The following E2F4 variants were observed in gnomAD, a reference collection of about 807,000 sequenced individuals.
E2F4 encodes the protein transcription factor E2F4.
E2F4 carries 16 observed loss-of-function variants against 44.5 expected under a neutral mutation model. The observed-to-expected ratio is 0.36, with a 90% CI of 0.24 to 0.55. The LOEUF (loss-of-function observed/expected upper bound fraction) is 0.55, where lower values mean the gene tolerates loss of function less well. E2F4 is among the 20% of genes least tolerant of loss of function. E2F4 has a pLI of 0.87. For synonymous variants in E2F4, 242 were observed against 207.2 expected, an observed-to-expected ratio of 1.17 and a Z score of -1.44; for missense variants, 473 against 522.1, an observed-to-expected ratio of 0.91 and a Z score of 0.92.
chr16:67,192,814 T>C lies in E2F4; in HGVS notation c.189T>C (p.Asn63=). Residue 63 remains asparagine (N), a synonymous_variant, in exon 2 of 10, where the codon AAT becomes AAC. Coordinates refer to ENST00000379378, the MANE Select transcript of E2F4 (RefSeq NM_001950.4). The part of the protein sequence containing the change: ...RQKRRIYDIT[N]VLEGIGLIEK... ...AGCGGCGGATTTACGACATTACCAA[T>C]GTTTTGGAAGGTATCGGGCTAATCG... is the stretch of plus-strand genomic sequence containing the variant. The C allele has an allele frequency of 6.2e-7, 1 of 1,613,126 alleles. No homozygotes were observed. The highest frequency in any genetic ancestry group is 8.5e-7 in the Non-Finnish European group (1 of 1,179,560).
Position 67,198,277 on chromosome 16 carries a change from C to G in E2F4, c.*154C>G. ...ACCGCACAGTTCTGGCCACAGCTCC[C>G]GCTCCTGTGCTGGCACTTCTGTGCT... On this transcript the variant is annotated 3_prime_UTR_variant, in exon 10 of 10. Coordinates refer to ENST00000379378, the MANE Select transcript of E2F4 (RefSeq NM_001950.4). The G allele has an allele frequency of 1.5e-6, 1 of 652,228 alleles. No individual in the cohort carries two copies. The highest frequency in any genetic ancestry group is 1.8e-5 in the South Asian group (1 of 56,404). The allele number at this position is 652,228 out of a possible 1,614,324, so 40.4% of individuals were successfully genotyped here. A position where few individuals can be genotyped will look rare whatever the true frequency, so the allele number is the denominator to read the frequency against.
intron 3 of E2F4, 87 bp from the exon 4 acceptor site, chr16:67,193,385 G>T: frequency 6.4e-7 from 1 of 1,565,910 alleles, no homozygotes; most frequent in South Asian, 1.1e-5. Flanking sequence ...GGGCCTGTGT[G>T]TCAGACCTTA....
chr16:67,194,476 G>A lies in E2F4; in HGVS notation c.513+17G>A. 1 of 1,613,426 alleles carries A rather than the reference G, an allele frequency of 6.2e-7. No individual in the cohort carries two copies. The highest frequency in any genetic ancestry group is 8.5e-7 in the Non-Finnish European group (1 of 1,180,004). ...ATCCCAGAGGTGGGTGCTTAGCCCA[G>A]GCAGGCGGGGTCAGCTGAGGGCGGG... On this transcript the variant is annotated intron_variant, in intron 5 of 9. Coordinates refer to ENST00000379378, the MANE Select transcript of E2F4 (RefSeq NM_001950.4).
At chr16:67,193,376 G>A (rs1362960782) in intron 3 of E2F4, 96 bp from the exon 4 acceptor site, 16 of 1,539,580 alleles carry the variant, frequency 1.0e-5, no homozygotes, top group Non-Finnish European at 1.3e-5. Context: ...GGTCTCTGAG[G>A]GCCTGTGTGT....
At chr16:67,197,536 A>C in intron 7 of E2F4, 63 bp from the exon 8 acceptor site, 1 of 1,574,278 alleles carries the variant, frequency 6.4e-7, no homozygotes, top group Non-Finnish European at 8.7e-7. Flanking sequence ...CGAGGAAGCC[A>C]GGGGGCTGTA....
intron 6 of E2F4, among the ~76,000 whole-genome samples, chr16:67,195,196 G>A (rs1345594398): frequency 3.9e-5 from 6 of 152,162 alleles, no homozygotes; most frequent in African/African-American, 1.2e-4. Context: ...GTGCAATGGC[G>A]CGATCTTGGC....
intron 9 of E2F4, 33 bp downstream of exon 9, chr16:67,197,944 G>C (rs373869677): frequency 5.6e-6 from 9 of 1,614,008 alleles, no homozygotes; most frequent in Admixed American, 1.7e-5. Flanking sequence ...AGTGGGTGTG[G>C]GCAGGGGTTG....
intron 6 of E2F4, 79 bp from the exon 7 acceptor site, chr16:67,195,703 G>A (rs944431297): frequency 6.3e-7 from 1 of 1,591,756 alleles, no homozygotes; most frequent in African/African-American, 1.3e-5. Flanking sequence ...TGGTCCTCCT[G>A]TGTCTGGGTT....
intron 4 of E2F4, chr16:67,193,901 A>C (rs1161290459): frequency 3.5e-6 from 1 of 287,888 alleles, no homozygotes; most frequent in African/African-American, 2.2e-5. Context: ...TGCATTGTGA[A>C]TACAGGATCT....
Position 67,192,748 on chromosome 16 carries a change from TTC to T in E2F4, c.136-7_136-6del, listed in dbSNP as rs778658200. On this transcript the variant is annotated splice_polypyrimidine_tract_variant and intron_variant, in intron 1 of 9. Transcript: ENST00000379378. ...CCAGAGTGGGGCTGAGCATTCTCCA[TTC>T]TCTCTGCCAGGCAGCTGACACCCTA... 4 of 1,602,874 alleles carry T rather than the reference TTC, an allele frequency of 2.5e-6. No individual in the cohort carries two copies. The highest frequency in any genetic ancestry group is 1.7e-4 in the Middle Eastern group (1 of 6,056).
At chr16:67,196,151 G>A (rs2032966527) in intron 7 of E2F4, 145 bp downstream of exon 7, 1 of 1,253,178 alleles carries the variant, frequency 8.0e-7, no homozygotes, top group Admixed American at 1.9e-5. Flanking sequence ...CTGGGTCAGT[G>A]CTGGTGCCCC....
At position 67,193,283 on chromosome 16, in the gene E2F4, A is replaced by G. The variant is rs985030636; in HGVS notation, c.407+113A>G. On this transcript the variant is annotated intron_variant, in intron 3 of 9. Transcript: ENST00000379378. Reference sequence around the variant, plus strand: ...GTCTTATAGCCACTGGCCATGGCCCAGCCTCAGGCTCCCTCCTCAGAGCCC... The same window carrying G: ...GTCTTATAGCCACTGGCCATGGCCCGGCCTCAGGCTCCCTCCTCAGAGCCC... 3 of 1,517,356 alleles carry G rather than the reference A, an allele frequency of 2.0e-6. No individual in the cohort carries two copies. In the African/African-American group the frequency reaches 4.1e-5, roughly 21 times the overall value. 94.0% of individuals were successfully genotyped at this position (1,517,356 alleles called of 1,614,324 possible).
At position 67,195,882 on chromosome 16, in the gene E2F4, C is replaced by G. The variant is rs762373268; in HGVS notation, c.909C>G (p.Ala303=). 1 of 1,613,934 alleles carries G rather than the reference C, an allele frequency of 6.2e-7. No individual in the cohort carries two copies. Among genetic ancestry groups the G allele is most frequent in the African/African-American group, 1.3e-5 (1 of 74,862 alleles). Residue 303 remains alanine, a synonymous_variant, in exon 7 of 10, where the codon GCC becomes GCG. Coordinates refer to ENST00000379378, the MANE Select transcript of E2F4 (RefSeq NM_001950.4). ...ACACCCGGCCACTGCAGTCTTCTGC[C>G]CTGCTGGACAGCAGCAGCAGCAGCA... The part of the protein sequence containing the change: ...TLDTRPLQSS[A]LLDSSSSSSS...
chr16:67,193,240 T>C lies in E2F4; in HGVS notation c.407+70T>C, dbSNP rs1597274872. The C allele has an allele frequency of 2.0e-6, 3 of 1,530,672 alleles. No homozygotes were observed. The East Asian group carries it at 7.3e-5, about 37-fold the overall frequency. The allele number at this position is 1,530,672 out of a possible 1,614,324, so 94.8% of individuals were successfully genotyped here. The stretch of plus-strand genomic sequence containing the variant: ...CTCTGGTTCAACTTGCCCTGAGTCC[T>C]GTTCCTCTTGGGAGTTTGTCTTATA... On this transcript the variant is annotated intron_variant, in intron 3 of 9. Coordinates refer to ENST00000379378, the MANE Select transcript of E2F4 (RefSeq NM_001950.4).
In E2F4 at chr16:67,193,146, T is replaced by C; in HGVS notation, c.383T>C (p.Val128Ala). 6.4e-7 allele frequency: 1 copy of C among 1,573,070 alleles called. No individual in the cohort carries two copies. The highest frequency in any genetic ancestry group is 8.6e-7 in the Non-Finnish European group (1 of 1,158,984). Residue 128 changes from valine to alanine, a missense_variant, in exon 3 of 10, where the codon GTC becomes GCC. Val to Ala is a moderately conservative substitution (Grantham distance 64). Transcript: ENST00000379378. ...KVWVQQSIRN[V>A]TEDVQNSCLA... ...TGGGTGCAGCAGAGCATCCGGAACG[T>C]CACAGAGGACGTGCAGAACAGCTGA...
At chr16:67,192,543 TG>T in intron 1 of E2F4, 181 bp downstream of exon 1, 1 of 1,071,508 alleles carries the variant, frequency 9.3e-7, no homozygotes, top group Non-Finnish European at 1.3e-6. Context: ...GCTACAGCTA[TG>T]GGCCAGGCTC....
chr16:67,192,437 G>A (rs2032901294), intron 1 of E2F4, 75 bp downstream of exon 1: 3 of 1,388,164 alleles, frequency 2.2e-6, no homozygotes, highest in Admixed American at 6.5e-5. Flanking sequence ...CCCCGGGGGC[G>A]GCCCAGCTGG....
intron 6 of E2F4, 148 bp from the exon 7 acceptor site, chr16:67,195,634 A>T: frequency 6.8e-7 from 1 of 1,473,968 alleles, no homozygotes; most frequent in Non-Finnish European, 9.1e-7. Context: ...ATTTCAGGTT[A>T]CTTCCTCTGG....
At chr16:67,196,245 C>G (rs964383599) in intron 7 of E2F4, among the ~76,000 whole-genome samples, 2 of 152,214 alleles carry the variant, frequency 1.3e-5, no homozygotes, top group African/African-American at 4.8e-5. Flanking sequence ...CACCGCCTCA[C>G]TAATTGACAC....
Sources: allele counts gnomAD v4.1 joint callset (sites outside exome capture counted in the v4.1 genomes callset), GRCh38; gene constraint gnomAD v4.1.1; transcripts MANE v1.5; gene names NCBI Gene and HGNC (gene_info 2026-07-23, HGNC 2026-07-21).